DCDC1: variants seen among roughly 807,000 people sequenced by gnomAD.
DCDC1 encodes doublecortin domain-containing protein 1.
Under a neutral mutation model 178.3 loss-of-function variants are expected in DCDC1, and 200 were observed. That is an observed-to-expected ratio of 1.12 (90% confidence interval 1.00 to 1.26). DCDC1 has a LOEUF of 1.26. Among genes scored for constraint, DCDC1 ranks in the 50% most tolerant of loss-of-function variants. The probability of loss-of-function intolerance (pLI) is 0.00; values close to 1 mark genes in which losing one functional copy is unlikely to be tolerated. For synonymous variants in DCDC1, 690 were observed against 604.8 expected (o/e 1.14, Z -2.07); for missense variants, 1,983 against 1,749.2 (o/e 1.13, Z -2.38).
chr11:31,259,944 A>G (rs1374987992), intron 8 of DCDC1, among the ~76,000 whole-genome samples: 1 of 152,124 alleles, frequency 6.6e-6, no homozygotes, highest in Admixed American at 6.6e-5. Context: ...CAGTGGCCAC[A>G]TTTCCTGGGA....
Position 31,328,170 on chromosome 11 carries a change from C to T in DCDC1, c.111G>A (p.Leu37=). ...AAATTGGGTTTACAGTATTCCCATC[C>T]AAAGTGCCTTCAGGGCTACTTTGCT... is the stretch of plus-strand genomic sequence containing the variant. ...VLQQSSPEGT[L]DGNTVNPIYK... The change falls in exon 3 of 39, where the codon TTG becomes TTA. Residue 37 remains leucine (L), a synonymous_variant. Transcript: ENST00000684477. 6.2e-7 allele frequency: 1 copy of T among 1,612,182 alleles called. No homozygotes were observed. The highest frequency in any genetic ancestry group is 1.1e-5 in the South Asian group (1 of 90,882).
At chr11:31,169,060 G>C (rs1966886627) in intron 9 of DCDC1, among the ~76,000 whole-genome samples, 2 of 152,160 alleles carry the variant, frequency 1.3e-5, no homozygotes, top group African/African-American at 4.8e-5. Flanking sequence ...GCCATAAAAA[G>C]GAATGAGATT....
Position 31,340,921 on chromosome 11 carries a change from G to A in DCDC1, c.-124-5357C>T, listed in dbSNP as rs148406858. Among the ~76,000 whole-genome samples, 186 of 152,214 alleles carry A rather than the reference G, an allele frequency of 1.2e-3. 1 individual carries two copies. Among genetic ancestry groups the A allele is most frequent in the African/African-American group, 4.1e-3 (171 of 41,530 alleles). ...AGAGAAGGGAAGGAGAAAACAAGGC[G>A]GAAGAGAAATTGGTGGAGGGTGAGA... On this transcript the variant is annotated intron_variant, in intron 1 of 38. Transcript: ENST00000684477.
intron 20 of DCDC1, among the ~76,000 whole-genome samples, chr11:30,989,216 T>C (rs1387721056): frequency 6.6e-6 from 1 of 152,122 alleles, no homozygotes; most frequent in Non-Finnish European, 1.5e-5. Context: ...AAGTAGGAAG[T>C]AGTTAAATGA....
chr11:31,356,370 G>C (rs1341699200), intron 1 of DCDC1, among the ~76,000 whole-genome samples: 1 of 152,112 alleles, frequency 6.6e-6, no homozygotes, highest in Non-Finnish European at 1.5e-5. Flanking sequence ...CAGAAATAAA[G>C]ATGTTCTTTG....
At chr11:31,273,068 G>T (rs563638920) in intron 7 of DCDC1, among the ~76,000 whole-genome samples, 4 of 152,236 alleles carry the variant, frequency 2.6e-5, no homozygotes, top group Non-Finnish European at 5.9e-5. Context: ...CCTGGGCCCG[G>T]CCCACGAACC....
chr11:31,103,673 A>G lies in DCDC1; in HGVS notation c.1848T>C (p.Pro616=). ...IMVAYKTFLD[P]NAVLLPGCGN... ...CACATCCAGGTAGCAGAACAGCATT[A>G]GGATCCAAAAAGGTCTTATATGCAA... The change falls in exon 14 of 39, where the codon CCT becomes CCC. Residue 616 remains proline, a synonymous_variant. Coordinates refer to ENST00000684477, the MANE Select transcript of DCDC1 (RefSeq NM_001387274.1). 1.3e-6 allele frequency: 1 copy of G among 765,184 alleles called. No individual in the cohort carries two copies. Among genetic ancestry groups the G allele is most frequent in the South Asian group, 1.3e-5 (1 of 74,444 alleles). The allele number at this position is 765,184 out of a possible 1,614,324, so 47.4% of individuals were successfully genotyped here.
chr11:30,897,324 C>G (rs995016757), intron 34 of DCDC1, among the ~76,000 whole-genome samples: 1 of 152,112 alleles, frequency 6.6e-6, no homozygotes, highest in African/African-American at 2.4e-5. Context: ...CGCAGTGGCT[C>G]ATGCCTGTAA....
intron 20 of DCDC1, among the ~76,000 whole-genome samples, chr11:31,028,349 A>G (rs1393430155): frequency 2.6e-5 from 4 of 151,908 alleles, no homozygotes; most frequent in Non-Finnish European, 5.9e-5. Context: ...ATTATCAGTA[A>G]TAGAACAAAT....
In DCDC1 at chr11:30,908,996, C is replaced by T; in HGVS notation, c.3868G>A (p.Ala1290Thr). 2 of 1,610,380 alleles carry T rather than the reference C, an allele frequency of 1.2e-6. No homozygotes were observed. The highest frequency in any genetic ancestry group is 1.7e-6 in the Non-Finnish European group (2 of 1,177,652). Residue 1290 changes from alanine (A) to threonine (T), a missense_variant, in exon 29 of 39, where the codon GCT (alanine) becomes ACT (threonine). Physicochemically the swap from Ala to Thr is moderately conservative, Grantham distance 58. Transcript: ENST00000684477. The part of the protein sequence containing the change: ...LDKEITSANY[A>T]GVCTSSVIKE... The stretch of plus-strand genomic sequence containing the variant: ...ATCACAGATGATGTACAGACACCAG[C>T]ATAATTTGCTGATGTAATTTCCTTA...
At chr11:31,259,684 A>G (rs763698106) in intron 8 of DCDC1, among the ~76,000 whole-genome samples, 20 of 152,104 alleles carry the variant, frequency 1.3e-4, no homozygotes, top group South Asian at 4.1e-4. Context: ...GCACTGGTCA[A>G]TTTTTCCCTC....
intron 2 of DCDC1, among the ~76,000 whole-genome samples, chr11:31,332,799 A>C (rs1453044220): frequency 6.6e-6 from 1 of 152,184 alleles, no homozygotes; most frequent in Non-Finnish European, 1.5e-5. Context: ...TTTAACTTCC[A>C]ACTATGTGGT....
chr11:30,971,617 T>G (rs575164922), intron 20 of DCDC1, among the ~76,000 whole-genome samples: 115 of 142,432 alleles, frequency 8.1e-4, no homozygotes, highest in African/African-American at 2.7e-3. Flanking sequence ...TTTTTTTTTT[T>G]TTTTTTTTTT....
chr11:31,028,081 T>C (rs1390523345), intron 20 of DCDC1, among the ~76,000 whole-genome samples: 5 of 151,892 alleles, frequency 3.3e-5, no homozygotes, highest in Non-Finnish European at 4.4e-5. Context: ...TGCAATGATA[T>C]ATAGTCTGTA....
intron 30 of DCDC1, 96 bp from the exon 31 acceptor site, chr11:30,905,260 G>A (rs1403911767): frequency 4.0e-6 from 5 of 1,257,280 alleles, no homozygotes; most frequent in Middle Eastern, 4.4e-4. Flanking sequence ...ATACGTGTGT[G>A]GTGTCTACAT....
intron 20 of DCDC1, among the ~76,000 whole-genome samples, chr11:31,000,873 G>C (rs1308737303): frequency 1.3e-5 from 2 of 151,936 alleles, no homozygotes. Flanking sequence ...AGAAAAAAAA[G>C]TCCCATATAC....
intron 9 of DCDC1, among the ~76,000 whole-genome samples, chr11:31,146,345 C>T (rs1176043865): frequency 6.6e-6 from 1 of 152,134 alleles, no homozygotes; most frequent in Middle Eastern, 3.2e-3. Flanking sequence ...CTTGGCCTCC[C>T]AAAGGGCTGG....
chr11:31,167,310 C>G (rs904790842), intron 9 of DCDC1, among the ~76,000 whole-genome samples: 4 of 152,182 alleles, frequency 2.6e-5, no homozygotes, highest in African/African-American at 9.6e-5. Context: ...AACTTAAACA[C>G]TAGCTGTTCA....
chr11:31,106,872 T>C lies in DCDC1; in HGVS notation c.1676A>G (p.Asn559Ser). 1 of 764,972 alleles carries C rather than the reference T, an allele frequency of 1.3e-6. No homozygotes were observed. Among genetic ancestry groups the C allele is most frequent in the Non-Finnish European group, 2.4e-6 (1 of 417,260 alleles). 47.4% of individuals were successfully genotyped at this position (764,972 alleles called of 1,614,324 possible). Residue 559 changes from asparagine to serine, a missense_variant, in exon 13 of 39, where the codon AAT (asparagine) becomes AGT (serine). Coordinates refer to ENST00000684477, the MANE Select transcript of DCDC1 (RefSeq NM_001387274.1). Reference sequence around the variant, plus strand: ...AAGTGGATTCTTAATTTCTTGGCCATTCTCATCAAAAAGCCGCATTGAAGA... The same window carrying C: ...AAGTGGATTCTTAATTTCTTGGCCACTCTCATCAAAAAGCCGCATTGAAGA... ...NYSSMRLFDENGQEIKNPLSL... is the reference protein window; with the variant it reads ...NYSSMRLFDESGQEIKNPLSL...
Sources: gnomAD v4.1 joint callset for allele counts (sites outside exome capture counted in the v4.1 genomes callset) on GRCh38, gnomAD v4.1.1 for gene constraint, MANE v1.5 for transcripts, NCBI Gene and HGNC (gene_info 2026-07-23, HGNC 2026-07-21) for gene names.